The following DNAJC8 variants were observed in gnomAD, a reference collection of about 807,000 sequenced individuals.
The protein encoded by DNAJC8 is DnaJ heat shock protein family (Hsp40) member C8.
A neutral mutation model predicts 43.2 loss-of-function variants in DNAJC8; 24 were observed. The ratio of observed to expected loss-of-function variants is 0.56; its 90% CI spans 0.40 to 0.78. The LOEUF (loss-of-function observed/expected upper bound fraction) is 0.78. DNAJC8 is among the 30% of genes least tolerant of loss of function. DNAJC8 has a pLI of 0.00. For synonymous variants in DNAJC8, 83 were observed against 98.0 expected (o/e 0.85, Z 0.90); for missense variants, 207 against 299.4 (o/e 0.69, Z 2.28).
In DNAJC8 at chr1:28,232,917, T is replaced by C; in HGVS notation, c.78+4A>G. 1.2e-6 allele frequency: 2 copies of C among 1,612,954 alleles called. No individual in the cohort carries two copies. The highest frequency in any genetic ancestry group is 1.7e-6 in the Non-Finnish European group (2 of 1,179,992). ...GGTGCCACTACTCCTCACTCTGTGT[T>C]CACCTCACTGTAGAAGGTCATAAAT... On this transcript the variant is annotated splice_donor_region_variant and intron_variant, in intron 1 of 8. Transcript: ENST00000263697.
intron 3 of DNAJC8, among the ~76,000 whole-genome samples, chr1:28,211,022 T>A (rs1345711477): frequency 1.3e-5 from 2 of 152,010 alleles, no homozygotes; most frequent in African/African-American, 2.4e-5. Flanking sequence ...AAAAATTTTT[T>A]AATTACCCAG....
chr1:28,231,149 T>C (rs776569838), intron 1 of DNAJC8, among the ~76,000 whole-genome samples: 4 of 151,392 alleles, frequency 2.6e-5, no homozygotes, highest in Non-Finnish European at 4.4e-5. Flanking sequence ...GACGGGAGGA[T>C]TGCTTGAGCC....
chr1:28,211,369 CATTTTGA>C (rs1475476658), intron 3 of DNAJC8, among the ~76,000 whole-genome samples: 1 of 152,172 alleles, frequency 6.6e-6, no homozygotes, highest in Non-Finnish European at 1.5e-5. Flanking sequence ...CTCATTGGAA[CATTTTGA>C]ATTTTCGGAT....
chr1:28,202,130 G>T (rs1646738210), intron 8 of DNAJC8, among the ~76,000 whole-genome samples: 1 of 152,088 alleles, frequency 6.6e-6, no homozygotes, highest in South Asian at 2.1e-4. Flanking sequence ...CACTCCCAAG[G>T]GCCCAAGAAA....
chr1:28,207,981 C>T (rs561069355), intron 6 of DNAJC8, among the ~76,000 whole-genome samples: 1 of 152,050 alleles, frequency 6.6e-6, no homozygotes, highest in Admixed American at 6.5e-5. Flanking sequence ...CCAAGGCAGG[C>T]GGATCATCTG....
chr1:28,228,956 G>C lies in DNAJC8; in HGVS notation c.146C>G (p.Pro49Arg). 1 of 1,613,312 alleles carries C rather than the reference G, an allele frequency of 6.2e-7. No individual in the cohort carries two copies. The change falls in exon 2 of 9, where the codon CCT becomes CGT. Residue 49 changes from proline to arginine, a missense_variant. Around this residue, in one of 2 missense-constraint regions of DNAJC8, gnomAD observed 159 missense variants for 267.5 expected, o/e 0.59. Transcript: ENST00000263697. Reference protein sequence around the residue: ...SKNQIERLTRPGSSYFNLNPF... With the variant: ...SKNQIERLTRRGSSYFNLNPF... ...GTTCAAATTGAAGTAAGAGGAACCA[G>C]GACGGGTCAGTCTTTCAATCTGATT...
intron 6 of DNAJC8, among the ~76,000 whole-genome samples, chr1:28,206,002 A>G (rs1295380948): frequency 6.6e-6 from 1 of 152,138 alleles, no homozygotes; most frequent in Non-Finnish European, 1.5e-5. Context: ...TGAGCAACAT[A>G]GTGAGATCCC....
intron 1 of DNAJC8, among the ~76,000 whole-genome samples, chr1:28,230,674 A>T (rs1267587501): frequency 1.3e-5 from 2 of 152,090 alleles, no homozygotes; most frequent in Non-Finnish European, 2.9e-5. Flanking sequence ...TTGCTCTGTC[A>T]CCCAGGGTGT....
rs374270025 is a variant in DNAJC8 at position 28,226,990 on chromosome 1, C to T, written c.180+1932G>A. Among the ~76,000 whole-genome samples, 20 of 146,664 alleles carry T rather than the reference C, an allele frequency of 1.4e-4. No homozygotes were observed. The South Asian group carries it at 2.1e-3, about 16-fold the overall frequency. On this transcript the variant is annotated intron_variant, in intron 2 of 8. Coordinates refer to ENST00000263697, the MANE Select transcript of DNAJC8 (RefSeq NM_014280.3). ...CTCTGTTCCTTTTATTTTCACTTTC[C>T]GTGTAATGTTAGTCTGTACTGAGTT...
intron 2 of DNAJC8, among the ~76,000 whole-genome samples, chr1:28,218,257 G>A (rs960273320): frequency 2.0e-5 from 3 of 151,494 alleles, no homozygotes; most frequent in Admixed American, 6.6e-5. Context: ...CACCACGCCC[G>A]GCTCATTTTG....
At chr1:28,221,363 C>CAAAG (rs755742477) in intron 2 of DNAJC8, among the ~76,000 whole-genome samples, 3 of 150,062 alleles carry the variant, frequency 2.0e-5, no homozygotes, top group Non-Finnish European at 2.9e-5. Flanking sequence ...GAGAAAGAAA[C>CAAAG]AAAGAAAGAA....
intron 2 of DNAJC8, among the ~76,000 whole-genome samples, chr1:28,227,103 TC>T (rs370974030): frequency 2.5e-5 from 3 of 120,646 alleles, no homozygotes; most frequent in East Asian, 2.3e-4. Flanking sequence ...TCTCTCTCTC[TC>T]TTTTTTTTTT....
chr1:28,212,401 A>T (rs1646821254), intron 3 of DNAJC8, among the ~76,000 whole-genome samples: 1 of 147,690 alleles, frequency 6.8e-6, no homozygotes, highest in South Asian at 2.1e-4. Flanking sequence ...CAGCCTTCTG[A>T]GTAGCTGGGA....
intron 5 of DNAJC8, 88 bp downstream of exon 5, chr1:28,209,884 G>A: frequency 2.6e-6 from 3 of 1,147,322 alleles, no homozygotes; most frequent in Non-Finnish European, 3.9e-6. Flanking sequence ...GTGCCAGTAG[G>A]CATTACTATG....
At chr1:28,205,657 G>T (rs1220026604) in intron 6 of DNAJC8, among the ~76,000 whole-genome samples, 1 of 152,228 alleles carries the variant, frequency 6.6e-6, no homozygotes, top group African/African-American at 2.4e-5. Context: ...GAAGGCCAAG[G>T]TGGGCAGATC....
intron 2 of DNAJC8, among the ~76,000 whole-genome samples, chr1:28,227,101 TC>T (rs1345481583): frequency 2.4e-5 from 3 of 123,482 alleles, no homozygotes; most frequent in Non-Finnish European, 5.2e-5. Context: ...TTTCTCTCTC[TC>T]TCTTTTTTTT....
At chr1:28,228,584 C>T (rs1646953663) in intron 2 of DNAJC8, among the ~76,000 whole-genome samples, 1 of 152,016 alleles carries the variant, frequency 6.6e-6, no homozygotes, top group Non-Finnish European at 1.5e-5. Flanking sequence ...CCAAAATGCT[C>T]CAAAATCTGA....
intron 4 of DNAJC8, 94 bp from the exon 5 acceptor site, chr1:28,210,160 A>C (rs1221052002): frequency 1.0e-6 from 1 of 1,004,196 alleles, no homozygotes; most frequent in African/African-American, 1.6e-5. Context: ...TGCTCTCTAA[A>C]GCATTCCCTA....
At chr1:28,227,308 C>T (rs1170152953) in intron 2 of DNAJC8, among the ~76,000 whole-genome samples, 1 of 147,000 alleles carries the variant, frequency 6.8e-6, no homozygotes, top group Non-Finnish European at 1.5e-5. Flanking sequence ...ACTCGGGAGG[C>T]TGAGGCAAGA....
Sources: allele counts gnomAD v4.1 joint callset (sites outside exome capture counted in the v4.1 genomes callset), GRCh38; gene constraint gnomAD v4.1.1; regional missense constraint gnomAD v4.1.1; transcripts MANE v1.5; gene names NCBI Gene and HGNC (gene_info 2026-07-23, HGNC 2026-07-21).